RASL12: variants seen among roughly 807,000 people sequenced by gnomAD.
RASL12 encodes the protein RAS like family 12, also known as ras-like protein family member 12.
A neutral mutation model predicts 22.9 loss-of-function variants in RASL12; 16 were observed. The ratio of observed to expected loss-of-function variants is 0.70; its 90% CI spans 0.47 to 1.06. The LOEUF (loss-of-function observed/expected upper bound fraction) is 1.06. RASL12 is among the 50% of genes least tolerant of loss of function. RASL12 has a pLI of 0.00. For missense variants in RASL12, 306 were observed against 353.1 expected (o/e 0.87, Z 1.07); for synonymous variants, 159 against 152.2 (o/e 1.04, Z -0.33).
At chr15:65,073,749 A>T (rs1488165214) in intron 1 of RASL12, among the ~76,000 whole-genome samples, 1 of 152,154 alleles carries the variant, frequency 6.6e-6, no homozygotes, top group Non-Finnish European at 1.5e-5. Context: ...GGCCATTAAT[A>T]ATTTCTAATT....
chr15:65,052,263 T>C (rs933574372), downstream of RASL12, among the ~76,000 whole-genome samples: 1 of 151,952 alleles, frequency 6.6e-6, no homozygotes, highest in Non-Finnish European at 1.5e-5. Flanking sequence ...GTGTGAGGGA[T>C]GAGGTGTGTG....
At chr15:65,068,918 A>C (rs2919357), upstream of RASL12, among the ~76,000 whole-genome samples, 1,429 of 152,336 alleles carry the variant, frequency 9.4e-3, 27 homozygotes, top group African/African-American at 0.033. This position sits in a 1 kb window ranked among gnomAD's most constrained non-coding sequence, Gnocchi z 4.2. Flanking sequence ...AATGAAGCAA[A>C]ATAGAGAGTG....
At chr15:65,048,295 A>ATT in the RASL12 span, among the ~76,000 whole-genome samples, 1 of 152,174 alleles carries the variant, frequency 6.6e-6, no homozygotes, top group Middle Eastern at 3.4e-3. Flanking sequence ...TTAAGTCAGT[A>ATT]TTGTATTTGT....
chr15:65,051,640 C>T, downstream of RASL12: 2 of 1,600,016 alleles, frequency 1.2e-6, no homozygotes. Context: ...GGGGTGGTCT[C>T]TGTGGGGTAG....
Position 65,058,409 on chromosome 15 carries a change from C to A in RASL12, c.425+18G>T. 2 of 1,428,510 alleles carry A rather than the reference C, an allele frequency of 1.4e-6. No individual in the cohort carries two copies. Among genetic ancestry groups the A allele is most frequent in the Non-Finnish European group, 1.9e-6 (2 of 1,077,868 alleles). 88.5% of individuals were successfully genotyped at this position (1,428,510 alleles called of 1,614,324 possible). A position where few individuals can be genotyped will look rare whatever the true frequency, so the allele number is the denominator to read the frequency against. Reference sequence around the variant, plus strand: ...GAAAGCGAGCTCTGGAGATAACGGCCAAGCAGGCTGTGCTCACCTGTACTG... The same window carrying A: ...GAAAGCGAGCTCTGGAGATAACGGCAAAGCAGGCTGTGCTCACCTGTACTG... On this transcript the variant is annotated intron_variant, in intron 4 of 4. Coordinates refer to ENST00000220062, the MANE Select transcript of RASL12 (RefSeq NM_016563.4).
intron 1 of RASL12, 129 bp downstream of exon 1, chr15:65,067,604 T>A: frequency 2.7e-6 from 3 of 1,130,802 alleles, no homozygotes; most frequent in Non-Finnish European, 3.6e-6. Context: ...CGGTGTCTTG[T>A]GCGACCCTCC....
intron 1 of RASL12, among the ~76,000 whole-genome samples, chr15:65,075,402 G>A (rs1165973065): frequency 2.6e-5 from 4 of 152,258 alleles, no homozygotes. Flanking sequence ...AAGGGCTGAG[G>A]AATGCGAGCG....
intron 2 of RASL12, among the ~76,000 whole-genome samples, chr15:65,064,381 G>A (rs2086851267): frequency 6.6e-6 from 1 of 152,224 alleles, no homozygotes; most frequent in Non-Finnish European, 1.5e-5. Context: ...ATAAGGAGCA[G>A]AGCCAGGTAG....
In RASL12 at chr15:65,053,633, G is replaced by A. The variant is rs1001440137; in HGVS notation, c.*1266C>T. The A allele has an allele frequency of 2.0e-5, 20 of 990,230 alleles. No homozygotes were observed. In the African/African-American group the frequency reaches 3.1e-4, roughly 16 times the overall value. 61.3% of individuals were successfully genotyped at this position (990,230 alleles called of 1,614,324 possible). A position where few individuals can be genotyped will look rare whatever the true frequency, so the allele number is the denominator to read the frequency against. On this transcript the variant is annotated 3_prime_UTR_variant, in exon 5 of 5. Coordinates refer to ENST00000220062, the MANE Select transcript of RASL12 (RefSeq NM_016563.4). The stretch of plus-strand genomic sequence containing the variant: ...ACAGTAGTCCTGAGACGGCTGAGAG[G>A]GGAAGGAGCAGGCTTCCAGGCCCAG...
the RASL12 span, among the ~76,000 whole-genome samples, chr15:65,047,071 C>G: frequency 2.0e-5 from 3 of 151,962 alleles, 1 homozygote; most frequent in South Asian, 6.2e-4. Flanking sequence ...AAAATGCATA[C>G]AAAGGCTGGG....
chr15:65,055,233 A>C lies in RASL12; in HGVS notation c.467T>G (p.Phe156Cys). The stretch of plus-strand genomic sequence containing the variant: ...AGAGACCTCGAAAAACAGGCACCCA[A>C]ACCTGCCTGCCAAAGCCACACCCTC... ...KAEGVALAGR[F>C]GCLFFEVSAC... The change falls in exon 5 of 5, where the codon TTT becomes TGT. Residue 156 changes from phenylalanine to cysteine, a missense_variant. Transcript: ENST00000220062. 1 of 1,601,832 alleles carries C rather than the reference A, an allele frequency of 6.2e-7. No homozygotes were observed. Among genetic ancestry groups the C allele is most frequent in the Non-Finnish European group, 8.5e-7 (1 of 1,174,246 alleles).
downstream of RASL12, chr15:65,049,660 C>T (rs902291450): frequency 2.4e-5 from 4 of 169,720 alleles, no homozygotes; most frequent in African/African-American, 9.5e-5. Flanking sequence ...CAGAACTCGC[C>T]AGTGGCTCAG....
In RASL12 at chr15:65,053,430, C is replaced by T. The variant is rs2086683942; in HGVS notation, c.*1469G>A. On this transcript the variant is annotated 3_prime_UTR_variant, in exon 5 of 5. Transcript: ENST00000220062. ...TTCAGATGGCAGTGGTACACACACA[C>T]ATACACACACAAGTGGCCTGGAGCA... 4.8e-6 allele frequency: 6 copies of T among 1,259,922 alleles called. No individual in the cohort carries two copies. Among genetic ancestry groups the T allele is most frequent in the East Asian group, 4.0e-5 (1 of 25,282 alleles). The allele number at this position is 1,259,922 out of a possible 1,614,324, so 78.0% of individuals were successfully genotyped here. A position where few individuals can be genotyped will look rare whatever the true frequency, so the allele number is the denominator to read the frequency against.
In RASL12 at chr15:65,054,762, T is replaced by A; in HGVS notation, c.*137A>T. On this transcript the variant is annotated 3_prime_UTR_variant, in exon 5 of 5. Coordinates refer to ENST00000220062, the MANE Select transcript of RASL12 (RefSeq NM_016563.4). ...TGCCACTCCAGCTCACACAGTGAAT[T>A]GAGTGTAGGGACACTGCTTGGTGCT... 1 of 1,473,170 alleles carries A rather than the reference T, an allele frequency of 6.8e-7. No individual in the cohort carries two copies. Among genetic ancestry groups the A allele is most frequent in the Non-Finnish European group, 8.9e-7 (1 of 1,118,198 alleles). The allele number at this position is 1,473,170 out of a possible 1,614,324, so 91.3% of individuals were successfully genotyped here.
chr15:65,059,745 G>T (rs1485805668), intron 2 of RASL12, among the ~76,000 whole-genome samples: 1 of 152,184 alleles, frequency 6.6e-6, no homozygotes, highest in African/African-American at 2.4e-5. Flanking sequence ...GCACAGGCTG[G>T]CTCAGGAGCA....
At chr15:65,072,662 C>G (rs2086939957), upstream of RASL12, among the ~76,000 whole-genome samples, 3 of 152,180 alleles carry the variant, frequency 2.0e-5, no homozygotes, top group Admixed American at 2.0e-4. Flanking sequence ...ATAGTTTTAG[C>G]TGGTCACCTA....
At chr15:65,061,719 C>A (rs1369836577) in intron 2 of RASL12, among the ~76,000 whole-genome samples, 1 of 152,160 alleles carries the variant, frequency 6.6e-6, no homozygotes, top group African/African-American at 2.4e-5. Flanking sequence ...CACAGAAGCT[C>A]ACGTCAGAGT....
chr15:65,051,115 A>T (rs1320190896), downstream of RASL12, among the ~76,000 whole-genome samples: 2 of 151,960 alleles, frequency 1.3e-5, no homozygotes, highest in Non-Finnish European at 2.9e-5. Flanking sequence ...AAGTGCTGGG[A>T]TTATAGGCGT....
chr15:65,075,549 C>A (rs564425927), intron 1 of RASL12, among the ~76,000 whole-genome samples: 1 of 152,046 alleles, frequency 6.6e-6, no homozygotes, highest in Non-Finnish European at 1.5e-5. Flanking sequence ...ATACACCAAT[C>A]GGCACTCTGT....
Sources: gnomAD v4.1 joint callset for allele counts (sites outside exome capture counted in the v4.1 genomes callset) on GRCh38, gnomAD v4.1.1 for gene constraint, Gnocchi (gnomAD v3.1) non-coding constraint, MANE v1.5 for transcripts, NCBI Gene and HGNC (gene_info 2026-07-23, HGNC 2026-07-21) for gene names.